PCDHGB2: variants seen among roughly 807,000 people sequenced by gnomAD.
The protein encoded by PCDHGB2 is protocadherin gamma-B2.
PCDHGB2 carries 55 observed loss-of-function variants against 59.3 expected under a neutral mutation model. The ratio of observed to expected loss-of-function variants is 0.93; its 90% CI spans 0.75 to 1.16. The LOEUF is 1.16. Among genes scored for constraint, PCDHGB2 ranks in the 50% most tolerant of loss-of-function variants. The pLI, the probability that PCDHGB2 is intolerant of heterozygous loss-of-function variation, is 0.00. For synonymous variants in PCDHGB2, 516 were observed against 512.0 expected (o/e 1.01, Z -0.11); for missense variants, 1,228 against 1,198.5 (o/e 1.02, Z -0.36).
chr5:141,365,305 C>A, intron 1 of PCDHGB2: 4 of 1,613,926 alleles, frequency 2.5e-6, no homozygotes, highest in Non-Finnish European at 3.4e-6. Context: ...AGGATGGAGG[C>A]GCTCTTGTTG....
Position 141,371,960 on chromosome 5 carries a change from C to A in PCDHGB2, c.2421+9404C>A, listed in dbSNP as rs771450244. On this transcript the variant is annotated intron_variant, in intron 1 of 3. Transcript: ENST00000522605. ...TGTTCGCGCAGCGAGCCTTCGACCACGAGCAGCTGCGTGCCTTCGAGCTCA... is the reference window on the plus strand; with the variant it reads ...TGTTCGCGCAGCGAGCCTTCGACCAAGAGCAGCTGCGTGCCTTCGAGCTCA... 1.9e-6 allele frequency: 3 copies of A among 1,613,142 alleles called. No homozygotes were observed. The African/African-American group carries it at 4.0e-5, about 22-fold the overall frequency.
At chr5:141,465,979 G>C (rs779605313) in intron 1 of PCDHGB2, among the ~76,000 whole-genome samples, 26 of 151,846 alleles carry the variant, frequency 1.7e-4, no homozygotes, top group Non-Finnish European at 3.8e-4. Flanking sequence ...AAAATTAGCC[G>C]GGCATGGTGG....
Position 141,476,598 on chromosome 5 carries a change from A to G in PCDHGB2, c.2422-18209A>G, listed in dbSNP as rs1222456783. The G allele has an allele frequency of 6.2e-7, 1 of 1,614,238 alleles. No homozygotes were observed. Among genetic ancestry groups the G allele is most frequent in the South Asian group, 1.1e-5 (1 of 91,088 alleles). On this transcript the variant is annotated intron_variant, in intron 1 of 3. Transcript: ENST00000522605. This position sits in a 1 kb window ranked among gnomAD's most constrained non-coding sequence, Gnocchi z 7.6. ...CGCTTTCCGCTCGAGAGCGCGCACG[A>G]TCCCGATGTGGGAAGCAACTCTTTA... is the stretch of plus-strand genomic sequence containing the variant.
chr5:141,385,078 G>A, intron 1 of PCDHGB2: 1 of 1,614,222 alleles, frequency 6.2e-7, no homozygotes, highest in Non-Finnish European at 8.5e-7. Context: ...CCTGCTGCAG[G>A]CTTCAGAAGG....
chr5:141,408,509 G>T, intron 1 of PCDHGB2: 1 of 1,614,048 alleles, frequency 6.2e-7, no homozygotes, highest in Non-Finnish European at 8.5e-7. Flanking sequence ...AAGAAGATGT[G>T]AGTTGCAATT....
chr5:141,364,788 T>C lies in PCDHGB2; in HGVS notation c.2421+2232T>C. 5 of 1,614,034 alleles carry C rather than the reference T, an allele frequency of 3.1e-6. No homozygotes were observed. Among genetic ancestry groups the C allele is most frequent in the South Asian group, 2.2e-5 (2 of 91,086 alleles). On this transcript the variant is annotated intron_variant, in intron 1 of 3. Transcript: ENST00000522605. Reference sequence around the variant, plus strand: ...AATGCGGCTGCAGGGACACGGTTAGTGCTTCCCTTCGCGCGGGATGCGGAT... The same window carrying C: ...AATGCGGCTGCAGGGACACGGTTAGCGCTTCCCTTCGCGCGGGATGCGGAT...
chr5:141,510,791 A>C (rs1244085822), intron 3 of PCDHGB2, 156 bp from the exon 4 acceptor site: 1 of 929,250 alleles, frequency 1.1e-6, no homozygotes, highest in Non-Finnish European at 1.3e-6. Context: ...AACTCTTGTG[A>C]AGAGAGACTA....
chr5:141,468,981 A>G (rs1209945826), intron 1 of PCDHGB2, among the ~76,000 whole-genome samples: 4 of 151,852 alleles, frequency 2.6e-5, no homozygotes, highest in East Asian at 1.9e-4. Context: ...TTTGACTTCC[A>G]AAATTATTGT....
At chr5:141,371,209 G>T in intron 1 of PCDHGB2, 1 of 1,614,006 alleles carries the variant, frequency 6.2e-7, no homozygotes, top group Non-Finnish European at 8.5e-7. Context: ...ATGGATGAGG[G>T]CATCAATGCC....
chr5:141,475,167 G>T (rs529813171), intron 1 of PCDHGB2, among the ~76,000 whole-genome samples: 1 of 152,160 alleles, frequency 6.6e-6, no homozygotes, highest in Admixed American at 6.5e-5. Flanking sequence ...CATTAGCAGT[G>T]CAACTTCTTG....
intron 1 of PCDHGB2, among the ~76,000 whole-genome samples, chr5:141,466,868 CA>C (rs1343260699): frequency 1.3e-5 from 2 of 152,100 alleles, no homozygotes; most frequent in African/African-American, 2.4e-5. Flanking sequence ...GAAATCCACA[CA>C]TTTTTTTCAT....
chr5:141,418,906 C>T, intron 1 of PCDHGB2: 1 of 1,613,908 alleles, frequency 6.2e-7, no homozygotes, highest in Non-Finnish European at 8.5e-7. Flanking sequence ...AAATAATCAT[C>T]ACGTCACTCT....
At chr5:141,440,887 G>C (rs1423303973) in intron 1 of PCDHGB2, 4 of 152,206 alleles carry the variant, frequency 2.6e-5, no homozygotes, top group Non-Finnish European at 5.9e-5. Context: ...TCGGCCTTCA[G>C]GAAGATGTGC....
At chr5:141,365,067 A>G in intron 1 of PCDHGB2, 1 of 1,613,826 alleles carries the variant, frequency 6.2e-7, no homozygotes, top group Non-Finnish European at 8.5e-7. Context: ...ACCCCATCCG[A>G]GTACAGCGTG....
chr5:141,415,594 G>A (rs753362668), intron 1 of PCDHGB2: 1 of 1,613,866 alleles, frequency 6.2e-7, no homozygotes, highest in Non-Finnish European at 8.5e-7. Context: ...TCCTATAGAG[G>A]ATACCCCATT....
At position 141,476,015 on chromosome 5, in the gene PCDHGB2, C is replaced by A; in HGVS notation, c.2422-18792C>A. The A allele has an allele frequency of 7.4e-7, 1 of 1,344,728 alleles. No individual in the cohort carries two copies. The highest frequency in any genetic ancestry group is 1.0e-6 in the Non-Finnish European group (1 of 992,700). The allele number at this position is 1,344,728 out of a possible 1,614,324, so 83.3% of individuals were successfully genotyped here. A position where few individuals can be genotyped will look rare whatever the true frequency, so the allele number is the denominator to read the frequency against. ...ATCAACGGCATCCAGAAAGCCATGT[C>A]GGACTCGGCGCCCAGCGCCCAAGCG... On this transcript the variant is annotated intron_variant, in intron 1 of 3. Coordinates refer to ENST00000522605, the MANE Select transcript of PCDHGB2 (RefSeq NM_018923.3). This position sits in a 1 kb window ranked among gnomAD's most constrained non-coding sequence, Gnocchi z 7.6.
Position 141,496,888 on chromosome 5 carries a change from TA to T in PCDHGB2, c.2480+2038del, listed in dbSNP as rs35063790. 4.6e-3 allele frequency among the ~76,000 whole-genome samples: 621 copies of T among 133,932 alleles called. 1 individual carries two copies. Among genetic ancestry groups the T allele is most frequent in the Middle Eastern group, 0.011 (3 of 270 alleles). 87.9% of individuals were successfully genotyped at this position (133,932 alleles called of 152,430 possible). ...CTGAAAATTTGCAACAAGTAACACT[TA>T]AAAAAAAAAAAAAAGGCTGGGCACT... On this transcript the variant is annotated intron_variant, in intron 2 of 3. Coordinates refer to ENST00000522605, the MANE Select transcript of PCDHGB2 (RefSeq NM_018923.3).
rs200601557 is a variant in PCDHGB2, at chr5:141,432,538, G to A, written c.2422-62269G>A. 5.0e-6 allele frequency: 8 copies of A among 1,613,908 alleles called. No homozygotes were observed. The highest frequency in any genetic ancestry group is 1.7e-5 in the Admixed American group (1 of 60,012). On this transcript the variant is annotated intron_variant, in intron 1 of 3. Coordinates refer to ENST00000522605, the MANE Select transcript of PCDHGB2 (RefSeq NM_018923.3). The surrounding 1 kb of genome is among the most constrained non-coding windows in gnomAD (Gnocchi z 6.0). ...GCTACCTGGTGACCAAGGTGGTGGCGGTGGACAGAGACTCCGGCCAGAACG... is the reference window on the plus strand; with the variant it reads ...GCTACCTGGTGACCAAGGTGGTGGCAGTGGACAGAGACTCCGGCCAGAACG...
chr5:141,437,306 C>T (rs1462689998), intron 1 of PCDHGB2, among the ~76,000 whole-genome samples: 1 of 152,104 alleles, frequency 6.6e-6, no homozygotes, highest in Non-Finnish European at 1.5e-5. Flanking sequence ...CAAGTTAAAG[C>T]GTTCAGCTAT....
Sources: gnomAD v4.1 joint callset for allele counts (sites outside exome capture counted in the v4.1 genomes callset) on GRCh38, gnomAD v4.1.1 for gene constraint, Gnocchi (gnomAD v3.1) non-coding constraint, MANE v1.5 for transcripts, NCBI Gene and HGNC (gene_info 2026-07-23, HGNC 2026-07-21) for gene names.